Variants in VIPR2 observed in about 807,000 individuals in gnomAD.
VIPR2 encodes the protein vasoactive intestinal polypeptide receptor 2.
In VIPR2, 48 loss-of-function variants were observed where a neutral mutation model predicts 58.0. The ratio of observed to expected loss-of-function variants is 0.83; its 90% CI spans 0.66 to 1.05. VIPR2 has a LOEUF of 1.05. Among genes scored for constraint, VIPR2 ranks in the 50% least tolerant of loss-of-function variants. The probability of loss-of-function intolerance (pLI) is 0.00; values close to 1 mark genes in which losing one functional copy is unlikely to be tolerated. For synonymous variants in VIPR2, 243 were observed against 235.2 expected (o/e 1.03, Z -0.30); for missense variants, 534 against 558.0 (o/e 0.96, Z 0.43).
intron 4 of VIPR2, among the ~76,000 whole-genome samples, chr7:159,066,643 G>A (rs976622835): frequency 2.3e-4 from 35 of 152,266 alleles, no homozygotes; most frequent in African/African-American, 8.4e-4. Flanking sequence ...AAGCAGATTT[G>A]TCTGAATTGC....
At chr7:159,111,536 C>T (rs191491587) in intron 2 of VIPR2, among the ~76,000 whole-genome samples, 152 of 151,756 alleles carry the variant, frequency 1.0e-3, no homozygotes, top group African/African-American at 3.3e-3. Context: ...AAAAATTAGC[C>T]GGGTGTGGTG....
chr7:159,135,689 G>A (rs1384056331), intron 2 of VIPR2, among the ~76,000 whole-genome samples: 1 of 151,876 alleles, frequency 6.6e-6, no homozygotes, highest in African/African-American at 2.4e-5. Context: ...TGGGCGTGGT[G>A]ACAGGCGCCT....
intron 1 of VIPR2, chr7:159,144,325 C>G (rs1474652962): frequency 4.6e-6 from 7 of 1,524,118 alleles, no homozygotes; most frequent in Non-Finnish European, 5.3e-6. Flanking sequence ...GACCGAGAGG[C>G]ATCTGCGGCC....
intron 4 of VIPR2, among the ~76,000 whole-genome samples, chr7:159,060,808 C>T (rs561781058): frequency 5.3e-5 from 8 of 152,352 alleles, no homozygotes; most frequent in Admixed American, 3.9e-4. Flanking sequence ...CATCACGTAA[C>T]CACCACCTTC....
intron 4 of VIPR2, among the ~76,000 whole-genome samples, chr7:159,060,725 C>G (rs1159347275): frequency 6.6e-6 from 1 of 152,020 alleles, no homozygotes; most frequent in Non-Finnish European, 1.5e-5. Flanking sequence ...CTCATCTAAC[C>G]TATATTCACT....
intron 2 of VIPR2, among the ~76,000 whole-genome samples, chr7:159,111,488 T>C (rs1795998403): frequency 6.6e-6 from 1 of 152,098 alleles, no homozygotes; most frequent in Non-Finnish European, 1.5e-5. Flanking sequence ...GAGAACAGCC[T>C]GGCCAACATG....
At chr7:159,051,012 C>T (rs1854974349) in intron 5 of VIPR2, among the ~76,000 whole-genome samples, 1 of 152,118 alleles carries the variant, frequency 6.6e-6, no homozygotes, top group South Asian at 2.1e-4. Context: ...CCAAAATAGC[C>T]TCAAAAATGA....
At chr7:159,144,272 C>T in intron 1 of VIPR2, 1 of 1,344,850 alleles carries the variant, frequency 7.4e-7, no homozygotes, top group African/African-American at 1.5e-5. Flanking sequence ...TAACCGACGC[C>T]ACGTCCCCCC....
intron 4 of VIPR2, among the ~76,000 whole-genome samples, chr7:159,074,499 C>A (rs890637026): frequency 6.6e-6 from 1 of 152,092 alleles, no homozygotes; most frequent in Non-Finnish European, 1.5e-5. Flanking sequence ...GTGGGAGCAT[C>A]GTGAGAGGAA....
At chr7:159,036,710 G>C (rs1187180546) in intron 7 of VIPR2, 42 bp downstream of exon 7, 1 of 1,585,232 alleles carries the variant, frequency 6.3e-7, no homozygotes, top group South Asian at 1.1e-5. Flanking sequence ...TGGTCCGATG[G>C]GATGGGATGG....
chr7:159,123,203 G>GA (rs1195653323), intron 2 of VIPR2, among the ~76,000 whole-genome samples: 1 of 138,584 alleles, frequency 7.2e-6, no homozygotes, highest in Non-Finnish European at 1.5e-5. Flanking sequence ...TGAGGCAGGA[G>GA]AATCGCTTCA....
At chr7:159,068,731 G>A (rs1023803928) in intron 4 of VIPR2, among the ~76,000 whole-genome samples, 2 of 152,228 alleles carry the variant, frequency 1.3e-5, no homozygotes, top group Admixed American at 1.3e-4. Context: ...AGGGTCTGAG[G>A]AGGGTTCTGA....
intron 4 of VIPR2, among the ~76,000 whole-genome samples, chr7:159,072,180 C>A (rs574037009): frequency 7.7e-6 from 1 of 129,922 alleles, no homozygotes; most frequent in Admixed American, 8.0e-5. Context: ...GTCTCTAGGC[C>A]GGGAACCCTG....
At position 159,037,037 on chromosome 7, in the gene VIPR2, A is replaced by G. The variant is rs1715539850; in HGVS notation, c.598-135T>C. Reference sequence around the variant, plus strand: ...GGAGACACCGGTGCCATTGGGAAGGAAAGTGATTAACACAGAGGCCAGGGC... The same window carrying G: ...GGAGACACCGGTGCCATTGGGAAGGGAAGTGATTAACACAGAGGCCAGGGC... On this transcript the variant is annotated intron_variant, in intron 6 of 12. Transcript: ENST00000262178. 5.3e-6 allele frequency: 6 copies of G among 1,124,016 alleles called. No homozygotes were observed. The Admixed American group carries it at 1.7e-4, about 31-fold the overall frequency. 69.6% of individuals were successfully genotyped at this position (1,124,016 alleles called of 1,614,324 possible). A position where few individuals can be genotyped will look rare whatever the true frequency, so the allele number is the denominator to read the frequency against.
Position 159,103,759 on chromosome 7 carries a change from T to G in VIPR2, c.355A>C (p.Lys119Gln), listed in dbSNP as rs1269957196. The G allele has an allele frequency of 2.5e-6, 4 of 1,613,800 alleles. No individual in the cohort carries two copies. Among genetic ancestry groups the G allele is most frequent in the Non-Finnish European group, 2.5e-6 (3 of 1,179,838 alleles). ...CGTAGCACCACGCAGGAGCCTACCT[T>G]GCTCTCATCCTCCGGGTCGCTGTAG... ...CGYSDPEDES[K>Q]ITFYILVKAI... The change falls in exon 4 of 13, where the codon AAG becomes CAG. Residue 119 changes from lysine to glutamine, a missense_variant and splice_region_variant. By Grantham distance (53) the Lys-to-Gln change is moderately conservative. Coordinates refer to ENST00000262178, the MANE Select transcript of VIPR2 (RefSeq NM_003382.5).
chr7:159,038,421 A>G (rs1201046326), intron 6 of VIPR2, among the ~76,000 whole-genome samples: 1 of 152,164 alleles, frequency 6.6e-6, no homozygotes, highest in Non-Finnish European at 1.5e-5. Context: ...CGCCTGGTGA[A>G]TGGACACTCA....
chr7:159,035,585 C>T (rs1344007606), intron 8 of VIPR2, among the ~76,000 whole-genome samples: 1 of 152,254 alleles, frequency 6.6e-6, no homozygotes, highest in Admixed American at 6.5e-5. Context: ...CCGGGGGGCC[C>T]TGCAGCCACC....
At chr7:159,107,568 G>A (rs1465856831) in intron 3 of VIPR2, among the ~76,000 whole-genome samples, 2 of 152,216 alleles carry the variant, frequency 1.3e-5, no homozygotes, top group African/African-American at 4.8e-5. Context: ...GGTGGGAAGA[G>A]GACTTGCATC....
At chr7:159,121,246 T>C (rs59197770) in intron 2 of VIPR2, among the ~76,000 whole-genome samples, 1,690 of 146,542 alleles carry the variant, frequency 0.012, 35 homozygotes, top group African/African-American at 0.039. Flanking sequence ...GGGCAGACTC[T>C]AACACAGCCC....
Sources: gnomAD v4.1 joint callset for allele counts (sites outside exome capture counted in the v4.1 genomes callset) on GRCh38, gnomAD v4.1.1 for gene constraint, MANE v1.5 for transcripts, NCBI Gene and HGNC (gene_info 2026-07-23, HGNC 2026-07-21) for gene names.